FSTL5: variants seen among roughly 807,000 people sequenced by gnomAD.
FSTL5 encodes follistatin-related protein 5.
A neutral mutation model predicts 89.1 loss-of-function variants in FSTL5; 62 were observed. The observed-to-expected ratio is 0.70, with a 90% CI of 0.57 to 0.86. The LOEUF is 0.86. FSTL5 is among the 40% of genes least tolerant of loss of function. The probability of loss-of-function intolerance (pLI) is 0.00; values close to 1 mark genes in which losing one functional copy is unlikely to be tolerated. For synonymous variants in FSTL5, 383 were observed against 346.2 expected, an observed-to-expected ratio of 1.11 and a Z score of -1.18; for missense variants, 1,057 against 1,001.6, an observed-to-expected ratio of 1.06 and a Z score of -0.75.
chr4:162,080,563 T>G (rs17641233), intron 2 of FSTL5, among the ~76,000 whole-genome samples: 10,628 of 151,736 alleles, frequency 0.07, 497 homozygotes, highest in East Asian at 0.16. Flanking sequence ...GTGCCATTTA[T>G]ACATATACCA....
At chr4:161,557,658 A>G (rs568314683) in intron 8 of FSTL5, among the ~76,000 whole-genome samples, 1 of 151,850 alleles carries the variant, frequency 6.6e-6, no homozygotes, top group Non-Finnish European at 1.5e-5. Context: ...CACACTGCAT[A>G]TAAGAGTAAC....
chr4:162,049,650 T>C (rs1738317059), intron 2 of FSTL5, among the ~76,000 whole-genome samples: 1 of 152,068 alleles, frequency 6.6e-6, no homozygotes, highest in Admixed American at 6.6e-5. Flanking sequence ...GTTGACTATC[T>C]GCCATGCCGC....
intron 15 of FSTL5, among the ~76,000 whole-genome samples, chr4:161,449,604 G>T (rs2126387871): frequency 6.6e-6 from 1 of 152,224 alleles, no homozygotes; most frequent in East Asian, 1.9e-4. Context: ...TATGCCAATT[G>T]ACATCAGCAT....
At chr4:161,997,512 T>C (rs989428135) in intron 3 of FSTL5, among the ~76,000 whole-genome samples, 12 of 152,192 alleles carry the variant, frequency 7.9e-5, no homozygotes, top group East Asian at 1.9e-4. Flanking sequence ...TTCCTTTCAA[T>C]TGAATACAAA....
At chr4:161,901,656 G>A (rs142479551) in intron 4 of FSTL5, among the ~76,000 whole-genome samples, 99 of 152,242 alleles carry the variant, frequency 6.5e-4, no homozygotes, top group African/African-American at 2.2e-3. Context: ...GGTTTAGGCC[G>A]GGCATGGTGG....
chr4:162,014,213 C>T (rs1736851274), intron 3 of FSTL5, among the ~76,000 whole-genome samples: 2 of 152,192 alleles, frequency 1.3e-5, no homozygotes, highest in African/African-American at 4.8e-5. Flanking sequence ...AAAAGAGCAT[C>T]TTCATATATA....
chr4:161,741,718 C>T (rs1311283830), intron 6 of FSTL5, among the ~76,000 whole-genome samples: 1 of 139,742 alleles, frequency 7.2e-6, no homozygotes, highest in African/African-American at 2.8e-5. Flanking sequence ...GGTGGAGTCT[C>T]ACTCTGTCGC....
At chr4:161,853,227 G>A (rs1226106118) in intron 4 of FSTL5, among the ~76,000 whole-genome samples, 1 of 152,148 alleles carries the variant, frequency 6.6e-6, no homozygotes. Flanking sequence ...TAGTCATGTA[G>A]ATCATGTAGA....
chr4:161,806,643 G>T (rs1454750618), intron 4 of FSTL5, among the ~76,000 whole-genome samples: 1 of 152,066 alleles, frequency 6.6e-6, no homozygotes, highest in Non-Finnish European at 1.5e-5. Flanking sequence ...AAACAAGATA[G>T]TGGCTATAAA....
intron 2 of FSTL5, among the ~76,000 whole-genome samples, chr4:162,105,041 T>C (rs146128115): frequency 1.2e-4 from 19 of 152,308 alleles, no homozygotes; most frequent in African/African-American, 4.1e-4. Context: ...GTATTTCTAA[T>C]AAAACGAGTT....
chr4:161,885,122 T>G (rs1032088152), intron 4 of FSTL5, among the ~76,000 whole-genome samples: 2 of 152,194 alleles, frequency 1.3e-5, no homozygotes, highest in African/African-American at 4.8e-5. Flanking sequence ...TAGAGTAGTC[T>G]AAAAACAACA....
intron 4 of FSTL5, among the ~76,000 whole-genome samples, chr4:161,910,913 T>C (rs997941863): frequency 2.6e-5 from 4 of 152,322 alleles, no homozygotes; most frequent in African/African-American, 9.6e-5. Context: ...ATATAAATTA[T>C]GAATTGACTG....
intron 15 of FSTL5, among the ~76,000 whole-genome samples, chr4:161,409,659 C>G (rs1046488356): frequency 2.6e-5 from 4 of 152,118 alleles, no homozygotes; most frequent in Admixed American, 2.6e-4. Context: ...CGATTACAGG[C>G]GTGAGCCACC....
chr4:161,804,047 C>A (rs899880683), intron 4 of FSTL5, among the ~76,000 whole-genome samples: 3 of 151,946 alleles, frequency 2.0e-5, no homozygotes, highest in African/African-American at 4.8e-5. Flanking sequence ...CTGGAGAACA[C>A]CCTTAGCTCC....
intron 4 of FSTL5, among the ~76,000 whole-genome samples, chr4:161,867,992 T>C (rs1269165913): frequency 6.6e-6 from 1 of 152,084 alleles, no homozygotes; most frequent in Non-Finnish European, 1.5e-5. Context: ...AAATTAAAAA[T>C]GAGAGAAGCA....
chr4:162,007,198 T>A (rs1344683828), intron 3 of FSTL5, among the ~76,000 whole-genome samples: 1 of 151,840 alleles, frequency 6.6e-6, no homozygotes, highest in Non-Finnish European at 1.5e-5. Context: ...CCTAGAGGAG[T>A]GCTATGTTAA....
chr4:161,989,404 T>C (rs552943292), intron 3 of FSTL5, among the ~76,000 whole-genome samples: 447 of 152,264 alleles, frequency 2.9e-3, no homozygotes, highest in Non-Finnish European at 4.9e-3. Flanking sequence ...GAAAATGTCT[T>C]AGTACTTTCA....
At chr4:161,809,364 A>G (rs2126837605) in intron 4 of FSTL5, among the ~76,000 whole-genome samples, 1 of 152,344 alleles carries the variant, frequency 6.6e-6, no homozygotes, top group East Asian at 1.9e-4. Context: ...GAATCCTTGG[A>G]GTCATTGTAC....
chr4:162,005,208 T>G (rs1578939603), intron 3 of FSTL5, among the ~76,000 whole-genome samples: 1 of 152,138 alleles, frequency 6.6e-6, no homozygotes, highest in South Asian at 2.1e-4. Context: ...CAGCTCTGTT[T>G]CCTGTAGGCA....
Sources: allele counts gnomAD v4.1 joint callset (sites outside exome capture counted in the v4.1 genomes callset), GRCh38; gene constraint gnomAD v4.1.1; transcripts MANE v1.5; gene names NCBI Gene and HGNC (gene_info 2026-07-23, HGNC 2026-07-21).